The following MARCHF3 variants were observed in gnomAD, a reference collection of about 807,000 sequenced individuals.
MARCHF3 encodes the protein E3 ubiquitin-protein ligase MARCHF3.
MARCHF3 carries 13 observed loss-of-function variants against 24.2 expected under a neutral mutation model. That is an observed-to-expected ratio of 0.54 (90% CI 0.35 to 0.85). The LOEUF (loss-of-function observed/expected upper bound fraction) is 0.85. Ranked by LOEUF, MARCHF3 falls within the 40% of genes least tolerant of loss-of-function variation. MARCHF3 has a pLI of 0.01. For synonymous variants in MARCHF3, 144 were observed against 137.3 expected (o/e 1.05, Z -0.34); for missense variants, 276 against 325.0 (o/e 0.85, Z 1.16).
chr5:126,905,935 T>C (rs1267600156), intron 3 of MARCHF3, among the ~76,000 whole-genome samples: 1 of 152,150 alleles, frequency 6.6e-6, no homozygotes, highest in African/African-American at 2.4e-5. Context: ...CCATTCAGTA[T>C]GATATTGGCT....
chr5:127,013,040 T>G (rs1312339532), intron 1 of MARCHF3, among the ~76,000 whole-genome samples: 1 of 152,136 alleles, frequency 6.6e-6, no homozygotes, highest in African/African-American at 2.4e-5. Context: ...TTTTCAAAAC[T>G]CTGTGGCTAC....
chr5:126,895,095 A>G (rs1214621545), intron 3 of MARCHF3, among the ~76,000 whole-genome samples: 1 of 151,906 alleles, frequency 6.6e-6, no homozygotes, highest in Non-Finnish European at 1.5e-5. Context: ...CTTCCAGTTG[A>G]TCGCATCAGC....
chr5:126,955,219 A>T (rs1015944469), intron 1 of MARCHF3, among the ~76,000 whole-genome samples: 1 of 152,242 alleles, frequency 6.6e-6, no homozygotes, highest in African/African-American at 2.4e-5. Context: ...GCAATGAAGG[A>T]AACAAAATAT....
Position 126,869,311 on chromosome 5 carries a change from G to A in MARCHF3, c.*1322C>T, listed in dbSNP as rs558642571. 6.6e-6 allele frequency: 1 copy of A among 152,340 alleles called. No homozygotes were observed. Among genetic ancestry groups the A allele is most frequent in the African/African-American group, 2.4e-5 (1 of 41,574 alleles). 9.4% of individuals were successfully genotyped at this position (152,340 alleles called of 1,614,324 possible). On this transcript the variant is annotated 3_prime_UTR_variant, in exon 5 of 5. Transcript: ENST00000308660. Reference sequence around the variant, plus strand: ...GCTCCGCCCCTCCTCGCTGCGTGTGGGCGGGCGGACAGCCGGGAGCCTGAG... The same window carrying A: ...GCTCCGCCCCTCCTCGCTGCGTGTGAGCGGGCGGACAGCCGGGAGCCTGAG...
At chr5:126,966,657 A>G (rs1421658807) in intron 1 of MARCHF3, among the ~76,000 whole-genome samples, 1 of 152,058 alleles carries the variant, frequency 6.6e-6, no homozygotes, top group Non-Finnish European at 1.5e-5. Context: ...GCTATCTTCT[A>G]AAATAAATAT....
At chr5:126,950,979 TC>T in intron 1 of MARCHF3, among the ~76,000 whole-genome samples, 1 of 152,182 alleles carries the variant, frequency 6.6e-6, no homozygotes, top group Non-Finnish European at 1.5e-5. Context: ...AATGAACTTA[TC>T]CATCTCCCTC....
At position 126,869,352 on chromosome 5, in the gene MARCHF3, G is replaced by C. The variant is rs1752882667; in HGVS notation, c.*1281C>G. 6.6e-6 allele frequency: 1 copy of C among 152,228 alleles called. No individual in the cohort carries two copies. Among genetic ancestry groups the C allele is most frequent in the Non-Finnish European group, 1.5e-5 (1 of 68,056 alleles). The allele number at this position is 152,228 out of a possible 1,614,324, so 9.4% of individuals were successfully genotyped here. A position where few individuals can be genotyped will look rare whatever the true frequency, so the allele number is the denominator to read the frequency against. On this transcript the variant is annotated 3_prime_UTR_variant, in exon 5 of 5. Coordinates refer to ENST00000308660, the MANE Select transcript of MARCHF3 (RefSeq NM_178450.5). ...GGAGCCTGAGAGTCAACCCCAGCCA[G>C]CGCTCTCCTCAGAAGACATCCGCTC...
rs1752913764 is a variant in MARCHF3 at position 126,870,077 on chromosome 5, CTGCATCTGTTA to C, written c.*545_*555del. On this transcript the variant is annotated 3_prime_UTR_variant, in exon 5 of 5. Coordinates refer to ENST00000308660, the MANE Select transcript of MARCHF3 (RefSeq NM_178450.5). ...AAACATTCTTCAAATATGACTTGTT[CTGCATCTGTTA>C]TGCTGTCTCCTTGAGTAATGGACGC... The C allele has an allele frequency of 6.6e-6, 1 of 152,516 alleles. No individual in the cohort carries two copies. Among genetic ancestry groups the C allele is most frequent in the Non-Finnish European group, 1.5e-5 (1 of 68,026 alleles). The allele number at this position is 152,516 out of a possible 1,614,324, so 9.4% of individuals were successfully genotyped here. A position where few individuals can be genotyped will look rare whatever the true frequency, so the allele number is the denominator to read the frequency against.
chr5:126,965,144 C>T (rs1306124202), intron 1 of MARCHF3, among the ~76,000 whole-genome samples: 1 of 151,748 alleles, frequency 6.6e-6, no homozygotes, highest in African/African-American at 2.4e-5. Flanking sequence ...GGACCAGGAA[C>T]ATTGCCAAAG....
At chr5:126,921,127 C>T (rs904440809) in intron 1 of MARCHF3, among the ~76,000 whole-genome samples, 6 of 151,858 alleles carry the variant, frequency 4.0e-5, no homozygotes, top group African/African-American at 1.5e-4. Context: ...GAAAAACATA[C>T]CAGCATGTCT....
chr5:127,011,811 C>A (rs1392215465), intron 1 of MARCHF3, among the ~76,000 whole-genome samples: 1 of 152,188 alleles, frequency 6.6e-6, no homozygotes, highest in Admixed American at 6.5e-5. Flanking sequence ...TTATTGCTTC[C>A]CATGGATACT....
chr5:126,961,960 A>G (rs1204569340), intron 1 of MARCHF3, among the ~76,000 whole-genome samples: 1 of 152,194 alleles, frequency 6.6e-6, no homozygotes, highest in East Asian at 1.9e-4. Flanking sequence ...ACACAATTAT[A>G]TGGACAAGCT....
At chr5:126,993,679 CA>C (rs1751851649) in intron 1 of MARCHF3, among the ~76,000 whole-genome samples, 1 of 151,872 alleles carries the variant, frequency 6.6e-6, no homozygotes, top group South Asian at 2.1e-4. Flanking sequence ...CATTTTCAGG[CA>C]GGGAAAAAAA....
chr5:127,021,963 AG>A (rs1371532308), intron 1 of MARCHF3, among the ~76,000 whole-genome samples: 1 of 152,232 alleles, frequency 6.6e-6, no homozygotes, highest in African/African-American at 2.4e-5. Context: ...TAAAGAAATC[AG>A]GGTAGGCCTG....
intron 3 of MARCHF3, among the ~76,000 whole-genome samples, chr5:126,888,506 T>C (rs1753570404): frequency 6.6e-6 from 1 of 152,120 alleles, no homozygotes; most frequent in Admixed American, 6.5e-5. Flanking sequence ...ACTTCAGACA[T>C]ACACAAAATA....
intron 1 of MARCHF3, among the ~76,000 whole-genome samples, chr5:126,953,344 G>T (rs532482196): frequency 2.6e-5 from 4 of 151,938 alleles, no homozygotes; most frequent in Admixed American, 2.6e-4. Context: ...CACTACCCTA[G>T]GATTTTTAAA....
chr5:127,023,625 G>A (rs1294401268), intron 1 of MARCHF3, among the ~76,000 whole-genome samples: 1 of 151,678 alleles, frequency 6.6e-6, no homozygotes, highest in African/African-American at 2.4e-5. Context: ...CCAGCTACTC[G>A]GAAGGCTGAG....
chr5:126,999,791 T>C (rs1752067738), intron 1 of MARCHF3, among the ~76,000 whole-genome samples: 2 of 152,250 alleles, frequency 1.3e-5, no homozygotes, highest in South Asian at 4.1e-4. Flanking sequence ...AATAAGATAC[T>C]GTCATCCTCA....
intron 1 of MARCHF3, among the ~76,000 whole-genome samples, chr5:127,010,632 T>C (rs1752442225): frequency 6.6e-6 from 1 of 152,164 alleles, no homozygotes; most frequent in Admixed American, 6.6e-5. Context: ...TATCCCTGGA[T>C]CAAGCATGAA....
Sources: allele counts gnomAD v4.1 joint callset (sites outside exome capture counted in the v4.1 genomes callset), GRCh38; gene constraint gnomAD v4.1.1; transcripts MANE v1.5; gene names NCBI Gene and HGNC (gene_info 2026-07-23, HGNC 2026-07-21).